GREM2: variants seen among roughly 807,000 people sequenced by gnomAD.
The protein encoded by GREM2 is gremlin 2, DAN family BMP antagonist.
Under a neutral mutation model 14.2 loss-of-function variants are expected in GREM2, and 11 were observed. The observed-to-expected ratio is 0.78, with a 90% CI of 0.49 to 1.28. The LOEUF (loss-of-function observed/expected upper bound fraction) is 1.28, where lower values mean the gene tolerates loss of function less well. GREM2 is among the 50% of genes most tolerant of loss of function. The pLI is 0.00. For missense variants in GREM2, 210 were observed against 218.5 expected, an observed-to-expected ratio of 0.96 and a Z score of 0.24; for synonymous variants, 98 against 97.6, an observed-to-expected ratio of 1.00 and a Z score of -0.02.
intron 1 of GREM2, among the ~76,000 whole-genome samples, chr1:240,560,406 A>G (rs1679016965): frequency 6.6e-6 from 1 of 152,060 alleles, no homozygotes; most frequent in Non-Finnish European, 1.5e-5. Context: ...AGGTCAGAAA[A>G]TGTCTTCTGG....
At chr1:240,547,706 G>A (rs1177558088) in intron 1 of GREM2, among the ~76,000 whole-genome samples, 1 of 151,824 alleles carries the variant, frequency 6.6e-6, no homozygotes, top group Non-Finnish European at 1.5e-5. Context: ...GCACAGCACT[G>A]ATGTGCATGA....
At position 240,531,247 on chromosome 1, in the gene GREM2, C is replaced by G. The variant is rs537069248; in HGVS notation, c.-1-37771G>C. Among the ~76,000 whole-genome samples, 5 of 152,334 alleles carry G rather than the reference C, an allele frequency of 3.3e-5. No homozygotes were observed. In the South Asian group the frequency reaches 1.0e-3, roughly 32 times the overall value. On this transcript the variant is annotated intron_variant, in intron 1 of 1. Coordinates refer to ENST00000318160, the MANE Select transcript of GREM2 (RefSeq NM_022469.4). ...CAGACTGATACTTTTATTTCATGCT[C>G]TCTCCATTGTGTTCATCTCTATTTA...
chr1:240,522,278 A>G (rs1354338011), intron 1 of GREM2, among the ~76,000 whole-genome samples: 1 of 152,204 alleles, frequency 6.6e-6, no homozygotes, highest in Non-Finnish European at 1.5e-5. Flanking sequence ...CGTGAATGCC[A>G]GGGAAAGCCG....
intron 1 of GREM2, among the ~76,000 whole-genome samples, chr1:240,519,995 G>T (rs113172381): frequency 2.0e-5 from 3 of 152,064 alleles, no homozygotes; most frequent in Non-Finnish European, 4.4e-5. Flanking sequence ...CATGAGAACC[G>T]CTTGAACCCG....
chr1:240,574,390 C>T (rs1256883917), intron 1 of GREM2, among the ~76,000 whole-genome samples: 2 of 152,134 alleles, frequency 1.3e-5, no homozygotes. Flanking sequence ...TCTCACGTGG[C>T]ACATGTGCTT....
At chr1:240,504,275 T>G (rs1412746392) in intron 1 of GREM2, among the ~76,000 whole-genome samples, 1 of 152,232 alleles carries the variant, frequency 6.6e-6, no homozygotes, top group Non-Finnish European at 1.5e-5. Context: ...TCTTTGCTCC[T>G]TCAATCACTG....
chr1:240,512,387 A>G (rs951360597), intron 1 of GREM2, among the ~76,000 whole-genome samples: 16 of 152,208 alleles, frequency 1.1e-4, no homozygotes, highest in African/African-American at 3.6e-4. Context: ...ACTTGTCTGG[A>G]TAACTCAGCA....
chr1:240,545,340 C>T (rs1337297606), intron 1 of GREM2, among the ~76,000 whole-genome samples: 1 of 152,222 alleles, frequency 6.6e-6, no homozygotes, highest in East Asian at 1.9e-4. Flanking sequence ...CCAGGGAGGG[C>T]ATGGAAGCTC....
intron 1 of GREM2, among the ~76,000 whole-genome samples, chr1:240,519,800 T>C (rs974124359): frequency 6.6e-6 from 1 of 152,048 alleles, no homozygotes; most frequent in Non-Finnish European, 1.5e-5. Context: ...GCTCACCAAG[T>C]CCAGGAGCGG....
chr1:240,521,980 C>T (rs1678109997), intron 1 of GREM2, among the ~76,000 whole-genome samples: 1 of 151,378 alleles, frequency 6.6e-6, no homozygotes, highest in Admixed American at 6.6e-5. Flanking sequence ...ATTAGCTCGG[C>T]ATGGTGGCAC....
rs755526422 is a variant in GREM2, at chr1:240,493,368, G to A, written c.108C>T (p.Asp36=). Residue 36 remains aspartate (D), a synonymous_variant, in exon 2 of 2, where the codon GAC becomes GAT. Transcript: ENST00000318160. ...ATCTCTCCGAGTTGTTGCTGCTGCCGTCCTTGTAAGGCGAGGGGATGGCGC... is the reference window on the plus strand; with the variant it reads ...ATCTCTCCGAGTTGTTGCTGCTGCCATCCTTGTAAGGCGAGGGGATGGCGC... ...PAGAIPSPYK[D]GSSNNSERWQ... is the part of the protein sequence containing the mutation. 3 of 1,613,928 alleles carry A rather than the reference G, an allele frequency of 1.9e-6. No homozygotes were observed. The highest frequency in any genetic ancestry group is 1.1e-5 in the South Asian group (1 of 91,078).
At chr1:240,585,731 A>G (rs1337852059) in intron 1 of GREM2, among the ~76,000 whole-genome samples, 1 of 50,282 alleles carries the variant, frequency 2.0e-5, no homozygotes, top group Non-Finnish European at 3.2e-5. Flanking sequence ...CTCCATCTCA[A>G]AAAAAAAAAA....
chr1:240,586,021 C>T (rs1177584506), intron 1 of GREM2, among the ~76,000 whole-genome samples: 2 of 149,800 alleles, frequency 1.3e-5, no homozygotes, highest in African/African-American at 2.5e-5. Context: ...ATTCAGAACC[C>T]ACGATAGAAA....
chr1:240,557,647 A>C (rs1467149028), intron 1 of GREM2, among the ~76,000 whole-genome samples: 1 of 152,226 alleles, frequency 6.6e-6, no homozygotes, highest in Non-Finnish European at 1.5e-5. Flanking sequence ...CATTTTGGGA[A>C]GTTTAATCTT....
chr1:240,497,454 G>A (rs552844530), intron 1 of GREM2, among the ~76,000 whole-genome samples: 20 of 152,076 alleles, frequency 1.3e-4, no homozygotes, highest in African/African-American at 4.1e-4. Flanking sequence ...TAGTGAGGGC[G>A]AAAGGGAAAA....
chr1:240,595,220 T>C (rs905475176), intron 1 of GREM2, among the ~76,000 whole-genome samples: 1 of 152,166 alleles, frequency 6.6e-6, no homozygotes, highest in Non-Finnish European at 1.5e-5. Context: ...TAGTCCCAGC[T>C]ATTTGGGAGG....
intron 1 of GREM2, among the ~76,000 whole-genome samples, chr1:240,513,203 G>A (rs1439818323): frequency 6.6e-6 from 1 of 152,122 alleles, no homozygotes; most frequent in African/African-American, 2.4e-5. Context: ...AACAAGCAAG[G>A]ATGATACCCA....
chr1:240,578,481 G>A (rs1679415273), intron 1 of GREM2, among the ~76,000 whole-genome samples: 1 of 151,842 alleles, frequency 6.6e-6, no homozygotes, highest in African/African-American at 2.4e-5. Flanking sequence ...CTGTTAGTTT[G>A]CTCATCTAAA....
chr1:240,575,613 C>T (rs1187813619), intron 1 of GREM2, among the ~76,000 whole-genome samples: 2 of 151,764 alleles, frequency 1.3e-5, no homozygotes, highest in Admixed American at 6.6e-5. Context: ...CTCCGCCTCC[C>T]GGGTTCAAGC....
Sources: gnomAD v4.1 joint callset for allele counts (sites outside exome capture counted in the v4.1 genomes callset) on GRCh38, gnomAD v4.1.1 for gene constraint, MANE v1.5 for transcripts, NCBI Gene and HGNC (gene_info 2026-07-23, HGNC 2026-07-21) for gene names.